The following GOLPH3L variants were observed in gnomAD, a reference collection of about 807,000 sequenced individuals.
The protein encoded by GOLPH3L is golgi phosphoprotein 3 like, also known as Golgi phosphoprotein 3-like.
GOLPH3L carries 22 observed loss-of-function variants against 30.3 expected under a neutral mutation model. The observed-to-expected ratio is 0.73, with a 90% CI of 0.52 to 1.04. The LOEUF (loss-of-function observed/expected upper bound fraction) is 1.04. Ranked by LOEUF, GOLPH3L falls within the 50% of genes least tolerant of loss-of-function variation. The pLI is 0.00. For synonymous variants in GOLPH3L, 120 were observed against 128.2 expected, an observed-to-expected ratio of 0.94 and a Z score of 0.43; for missense variants, 303 against 345.8, an observed-to-expected ratio of 0.88 and a Z score of 0.98.
intron 2 of GOLPH3L, among the ~76,000 whole-genome samples, chr1:150,687,980 C>T (rs1380628279): frequency 1.3e-5 from 2 of 151,992 alleles, no homozygotes; most frequent in African/African-American, 2.4e-5. Flanking sequence ...TTATATTGAT[C>T]AAAAGAATAC....
At chr1:150,676,177 T>C (rs1384127948) in intron 2 of GOLPH3L, among the ~76,000 whole-genome samples, 17 of 152,212 alleles carry the variant, frequency 1.1e-4, no homozygotes, top group Middle Eastern at 3.4e-3. Flanking sequence ...TTTTCCGATG[T>C]TGCCCAAGCT....
chr1:150,666,769 ATT>A (rs1000622821), intron 2 of GOLPH3L, among the ~76,000 whole-genome samples: 3 of 152,066 alleles, frequency 2.0e-5, no homozygotes, highest in South Asian at 2.1e-4. Context: ...GTGATTTGTG[ATT>A]TTTTGTTTAT....
chr1:150,659,847 G>A (rs145687572), intron 4 of GOLPH3L, among the ~76,000 whole-genome samples: 17 of 152,122 alleles, frequency 1.1e-4, no homozygotes, highest in African/African-American at 2.2e-4. Flanking sequence ...CAGCCTGGGT[G>A]ACATAGCAAA....
At position 150,652,993 on chromosome 1, in the gene GOLPH3L, C is replaced by T. The variant is rs74757573; in HGVS notation, c.431-4245G>A. Among the ~76,000 whole-genome samples the T allele has an allele frequency of 5.3e-5, 8 of 151,484 alleles. 1 individual carries two copies. Among genetic ancestry groups the T allele is most frequent in the Non-Finnish European group, 7.4e-5 (5 of 67,904 alleles). ...ATTTGTAACACATAGAGATGTAATA[C>T]GTGTAACAATATTGGCATGGTGGGC... On this transcript the variant is annotated intron_variant, in intron 4 of 4. Coordinates refer to ENST00000271732, the MANE Select transcript of GOLPH3L (RefSeq NM_018178.6).
Position 150,663,773 on chromosome 1 carries a change from G to A in GOLPH3L, c.184-10C>T, listed in dbSNP as rs1650430501. On this transcript the variant is annotated splice_polypyrimidine_tract_variant and intron_variant, in intron 2 of 4. Transcript: ENST00000271732. ...AGAAAGATGTGTACCCCTAGGAAAGGAGAAAAGAGAAGAGAAAGAATGTTT... is the reference window on the plus strand; with the variant it reads ...AGAAAGATGTGTACCCCTAGGAAAGAAGAAAAGAGAAGAGAAAGAATGTTT... 1 of 1,610,602 alleles carries A rather than the reference G, an allele frequency of 6.2e-7. No homozygotes were observed. Among genetic ancestry groups the A allele is most frequent in the Non-Finnish European group, 8.5e-7 (1 of 1,177,704 alleles).
At chr1:150,670,911 T>C (rs2101798912) in intron 2 of GOLPH3L, among the ~76,000 whole-genome samples, 1 of 152,272 alleles carries the variant, frequency 6.6e-6, no homozygotes, top group East Asian at 1.9e-4. Flanking sequence ...CCCTTACTGA[T>C]GTGCATTTAG....
intron 2 of GOLPH3L, among the ~76,000 whole-genome samples, chr1:150,667,163 C>A (rs1650527323): frequency 6.6e-6 from 1 of 152,070 alleles, no homozygotes; most frequent in Admixed American, 6.6e-5. Flanking sequence ...TGGTAATTTG[C>A]CCCAGGGTAA....
chr1:150,686,790 T>C (rs1237353807), intron 2 of GOLPH3L, among the ~76,000 whole-genome samples: 1 of 152,124 alleles, frequency 6.6e-6, no homozygotes, highest in Non-Finnish European at 1.5e-5. Context: ...ACTGTGTGCA[T>C]TTGGGGATTG....
chr1:150,667,770 A>G (rs587635556), intron 2 of GOLPH3L, among the ~76,000 whole-genome samples: 35 of 151,558 alleles, frequency 2.3e-4, no homozygotes, highest in African/African-American at 8.2e-4. Flanking sequence ...ATTTTTTTAT[A>G]TTTTTGGTAG....
chr1:150,684,321 C>G (rs896136765), intron 2 of GOLPH3L, among the ~76,000 whole-genome samples: 1 of 152,152 alleles, frequency 6.6e-6, no homozygotes, highest in Non-Finnish European at 1.5e-5. Flanking sequence ...AGAGGCTTGT[C>G]TAGTCATTTA....
rs977892691 is a variant in GOLPH3L at position 150,646,773 on chromosome 1, C to A, written c.*1548G>T. 6.6e-6 allele frequency: 1 copy of A among 152,120 alleles called. No individual in the cohort carries two copies. The highest frequency in any genetic ancestry group is 2.4e-5 in the African/African-American group (1 of 41,424). The allele number at this position is 152,120 out of a possible 1,614,324, so 9.4% of individuals were successfully genotyped here. A position where few individuals can be genotyped will look rare whatever the true frequency, so the allele number is the denominator to read the frequency against. On this transcript the variant is annotated 3_prime_UTR_variant, in exon 5 of 5. Transcript: ENST00000271732. Reference sequence around the variant, plus strand: ...ATTAACCCTTTGACAGTTTGTTGTTCTATAATGGTCAAGAAGCACTATCCC... The same window carrying A: ...ATTAACCCTTTGACAGTTTGTTGTTATATAATGGTCAAGAAGCACTATCCC...
chr1:150,664,955 C>T (rs1650462153), intron 2 of GOLPH3L, among the ~76,000 whole-genome samples: 3 of 152,196 alleles, frequency 2.0e-5, no homozygotes, highest in South Asian at 4.1e-4. Context: ...ATATAGCAGG[C>T]ACTTAAAATG....
chr1:150,674,569 T>A (rs1016514388), intron 2 of GOLPH3L, among the ~76,000 whole-genome samples: 1 of 151,778 alleles, frequency 6.6e-6, no homozygotes, highest in Non-Finnish European at 1.5e-5. Flanking sequence ...GGCCTTTTTC[T>A]TTTTTTTAAA....
At chr1:150,689,010 T>C (rs1041239225) in intron 2 of GOLPH3L, among the ~76,000 whole-genome samples, 2 of 152,164 alleles carry the variant, frequency 1.3e-5, no homozygotes, top group Non-Finnish European at 2.9e-5. Context: ...GCAGGGACAA[T>C]TGTTTTTGTT....
intron 2 of GOLPH3L, among the ~76,000 whole-genome samples, chr1:150,665,137 G>C (rs1192996952): frequency 6.6e-6 from 1 of 151,894 alleles, no homozygotes; most frequent in Non-Finnish European, 1.5e-5. Flanking sequence ...TGCATTATCT[G>C]ATTATATCTT....
At chr1:150,693,558 C>T (rs2101823668) in intron 2 of GOLPH3L, among the ~76,000 whole-genome samples, 1 of 151,736 alleles carries the variant, frequency 6.6e-6, no homozygotes, top group African/African-American at 2.4e-5. Flanking sequence ...GTAACTTCTT[C>T]ATGAGGGAAT....
chr1:150,692,181 T>A (rs1278158550), intron 2 of GOLPH3L, among the ~76,000 whole-genome samples: 1 of 152,202 alleles, frequency 6.6e-6, no homozygotes, highest in Non-Finnish European at 1.5e-5. Flanking sequence ...CAGTTGGGAA[T>A]CAATTTAATA....
At chr1:150,689,357 G>C (rs1040982956) in intron 2 of GOLPH3L, among the ~76,000 whole-genome samples, 1 of 152,106 alleles carries the variant, frequency 6.6e-6, no homozygotes, top group African/African-American at 2.4e-5. Context: ...TAAATGAAAA[G>C]TTTTATACAT....
At chr1:150,675,614 A>G (rs1452236319) in intron 2 of GOLPH3L, among the ~76,000 whole-genome samples, 2 of 151,896 alleles carry the variant, frequency 1.3e-5, no homozygotes, top group East Asian at 3.9e-4. Flanking sequence ...GTCTCTACTA[A>G]AAATACAAAA....
Sources: allele counts gnomAD v4.1 joint callset (sites outside exome capture counted in the v4.1 genomes callset), GRCh38; gene constraint gnomAD v4.1.1; transcripts MANE v1.5; gene names NCBI Gene and HGNC (gene_info 2026-07-23, HGNC 2026-07-21).